Variants in MCRIP1 observed in about 807,000 individuals in gnomAD.
The protein encoded by MCRIP1 is mapk-regulated corepressor-interacting protein 1.
In MCRIP1, 10 loss-of-function variants were observed where a neutral mutation model predicts 14.4. The ratio of observed to expected loss-of-function variants is 0.70; its 90% CI spans 0.43 to 1.18. MCRIP1 has a LOEUF of 1.18. Ranked by LOEUF, MCRIP1 falls within the 50% of genes most tolerant of loss-of-function variation. The pLI is 0.00. For synonymous variants in MCRIP1, 53 were observed against 55.7 expected (o/e 0.95, Z 0.21); for missense variants, 119 against 135.4 (o/e 0.88, Z 0.60).
Position 81,824,273 on chromosome 17 carries a change from G to A in MCRIP1, c.127+14C>T, listed in dbSNP as rs1305762898. 2.6e-6 allele frequency: 4 copies of A among 1,519,468 alleles called. No homozygotes were observed. The highest frequency in any genetic ancestry group is 3.5e-6 in the Non-Finnish European group (4 of 1,131,612). 94.1% of individuals were successfully genotyped at this position (1,519,468 alleles called of 1,614,324 possible). On this transcript the variant is annotated intron_variant, in intron 3 of 4. Transcript: ENST00000455127. The stretch of plus-strand genomic sequence containing the variant: ...AAGGACAGGGCAGGAGCTGTGTGTG[G>A]CAGGCGCACCCACCTTCGTAAATGA...
chr17:81,830,184 A>G (rs1049726747), intron 1 of MCRIP1, among the ~76,000 whole-genome samples: 1 of 152,218 alleles, frequency 6.6e-6, no homozygotes, highest in African/African-American at 2.4e-5. Context: ...CCTCATTCAA[A>G]GTGATGCAGC....
intron 1 of MCRIP1, chr17:81,825,104 T>C (rs2038362124): frequency 9.9e-7 from 1 of 1,013,188 alleles, no homozygotes; most frequent in Non-Finnish European, 1.2e-6. Flanking sequence ...CAGGTCCAGC[T>C]TCCTGGTTCC....
Position 81,823,086 on chromosome 17 carries a change from T to C in MCRIP1, c.*161A>G, listed in dbSNP as rs2038303778. On this transcript the variant is annotated 3_prime_UTR_variant, in exon 5 of 5. Transcript: ENST00000455127. The surrounding 1 kb of genome is among the most constrained non-coding windows in gnomAD (Gnocchi z 6.0). ...CCCCCAAGGATGAAGGAAGGGGGCT[T>C]GGGAAGGAGAGGCAGGCCTCAGCCG... is the stretch of plus-strand genomic sequence containing the variant. 2 of 699,548 alleles carry C rather than the reference T, an allele frequency of 2.9e-6. No individual in the cohort carries two copies. Among genetic ancestry groups the C allele is most frequent in the Non-Finnish European group, 4.9e-6 (2 of 406,450 alleles). The allele number at this position is 699,548 out of a possible 1,614,324, so 43.3% of individuals were successfully genotyped here.
chr17:81,832,688 A>C (rs1182677377), intron 1 of MCRIP1, among the ~76,000 whole-genome samples: 4 of 152,336 alleles, frequency 2.6e-5, no homozygotes, highest in Admixed American at 2.6e-4. Flanking sequence ...CCGCGGTCAC[A>C]ACCACCGCCC....
In MCRIP1 at chr17:81,824,549, C is replaced by T. The variant is rs2038348749; in HGVS notation, c.-43G>A. 2 of 1,535,816 alleles carry T rather than the reference C, an allele frequency of 1.3e-6. No individual in the cohort carries two copies. The highest frequency in any genetic ancestry group is 2.4e-5 in the East Asian group (1 of 40,920). On this transcript the variant is annotated 5_prime_UTR_variant, in exon 2 of 5. Coordinates refer to ENST00000455127, the MANE Select transcript of MCRIP1 (RefSeq NM_207368.5). Reference sequence around the variant, plus strand: ...CTAGCGCTCCACCGCCAGATCCCCTCAGCCTCTGAAACAGAAGCCAGCGCA... The same window carrying T: ...CTAGCGCTCCACCGCCAGATCCCCTTAGCCTCTGAAACAGAAGCCAGCGCA...
intron 1 of MCRIP1, chr17:81,825,384 G>A: frequency 1.7e-6 from 2 of 1,185,412 alleles, no homozygotes; most frequent in South Asian, 3.2e-5. Flanking sequence ...GAAGCTGACA[G>A]GGCTGGTCTC....
At chr17:81,831,701 G>A (rs941829528) in intron 1 of MCRIP1, among the ~76,000 whole-genome samples, 3 of 152,168 alleles carry the variant, frequency 2.0e-5, no homozygotes, top group South Asian at 2.1e-4. Flanking sequence ...ACCAAGCAGC[G>A]GTGCCCCTCC....
intron 1 of MCRIP1, among the ~76,000 whole-genome samples, chr17:81,831,032 C>T (rs1343269761): frequency 5.3e-5 from 8 of 151,776 alleles, no homozygotes; most frequent in African/African-American, 1.9e-4. Flanking sequence ...ATTAGCTGGG[C>T]GTGGTGGCAC....
chr17:81,827,037 G>C (rs963028709), intron 1 of MCRIP1, among the ~76,000 whole-genome samples: 6 of 149,050 alleles, frequency 4.0e-5, no homozygotes, highest in Admixed American at 2.0e-4. Context: ...AGAAGTGCTT[G>C]AACCTGGGAG....
Position 81,822,401 on chromosome 17 carries a change from C to A in MCRIP1, c.*846G>T, listed in dbSNP as rs2038280619. On this transcript the variant is annotated 3_prime_UTR_variant, in exon 5 of 5. Coordinates refer to ENST00000455127, the MANE Select transcript of MCRIP1 (RefSeq NM_207368.5). Reference sequence around the variant, plus strand: ...GCCGCAGGGGCAGAGGCCTGACAGACCACCAAGAGGCCACGCCCAGTGCCG... The same window carrying A: ...GCCGCAGGGGCAGAGGCCTGACAGAACACCAAGAGGCCACGCCCAGTGCCG... The A allele has an allele frequency of 6.6e-6, 1 of 152,386 alleles. No individual in the cohort carries two copies. The highest frequency in any genetic ancestry group is 6.5e-5 in the Admixed American group (1 of 15,280). The allele number at this position is 152,386 out of a possible 1,614,324, so 9.4% of individuals were successfully genotyped here. A position where few individuals can be genotyped will look rare whatever the true frequency, so the allele number is the denominator to read the frequency against.
intron 1 of MCRIP1, among the ~76,000 whole-genome samples, chr17:81,828,044 T>C (rs1232563745): frequency 6.6e-6 from 1 of 152,100 alleles, no homozygotes; most frequent in Non-Finnish European, 1.5e-5. Flanking sequence ...CCTCCCAAAG[T>C]GCTGAGATTA....
At chr17:81,827,654 G>A (rs997390733) in intron 1 of MCRIP1, among the ~76,000 whole-genome samples, 19 of 151,850 alleles carry the variant, frequency 1.3e-4, no homozygotes, top group African/African-American at 4.4e-4. Flanking sequence ...CTTGGGAGGT[G>A]GAGGCTGTGG....
Position 81,823,315 on chromosome 17 carries a change from C to A in MCRIP1, c.230-4G>T, listed in dbSNP as rs755818351. The A allele has an allele frequency of 1.5e-5, 23 of 1,536,934 alleles. No homozygotes were observed. In the South Asian group the frequency reaches 2.6e-4, roughly 17 times the overall value. On this transcript the variant is annotated splice_polypyrimidine_tract_variant and splice_region_variant and intron_variant, in intron 4 of 4. Transcript: ENST00000455127. This position sits in a 1 kb window ranked among gnomAD's most constrained non-coding sequence, Gnocchi z 6.0. ...CTCAGGTCGATGGGCTTGAAGGCTG[C>A]CAGGGGACAACGCGGTAGGTGGTGG...
chr17:81,822,964 C>T lies in MCRIP1; in HGVS notation c.*283G>A, dbSNP rs1345391906. On this transcript the variant is annotated 3_prime_UTR_variant, in exon 5 of 5. Transcript: ENST00000455127. ...AGAGGAGAGAGGTCAGGTCAGGGCC[C>T]CTGGGGGCCAGGCAGCTTCAAAAAT... is the stretch of plus-strand genomic sequence containing the variant. 1 of 580,950 alleles carries T rather than the reference C, an allele frequency of 1.7e-6. No homozygotes were observed. The highest frequency in any genetic ancestry group is 2.9e-5 in the East Asian group (1 of 34,830). The allele number at this position is 580,950 out of a possible 1,614,324, so 36.0% of individuals were successfully genotyped here.
intron 1 of MCRIP1, 164 bp from the exon 2 acceptor site, chr17:81,824,718 G>T: frequency 6.9e-7 from 1 of 1,448,624 alleles, no homozygotes. Context: ...CCAGCCACAG[G>T]CAGCCAGTGG....
chr17:81,827,566 C>T (rs1056515603), intron 1 of MCRIP1, among the ~76,000 whole-genome samples: 5 of 151,552 alleles, frequency 3.3e-5, no homozygotes, highest in African/African-American at 4.9e-5. Context: ...CCACCACGCC[C>T]GGCCGGCAAA....
At chr17:81,831,749 G>C (rs752285715) in intron 1 of MCRIP1, among the ~76,000 whole-genome samples, 7 of 152,180 alleles carry the variant, frequency 4.6e-5, no homozygotes, top group Non-Finnish European at 1.0e-4. Flanking sequence ...GGCTCAGCCC[G>C]AATGCTGCAG....
intron 1 of MCRIP1, among the ~76,000 whole-genome samples, chr17:81,830,761 G>C (rs940004336): frequency 6.6e-5 from 10 of 151,350 alleles, no homozygotes; most frequent in Non-Finnish European, 1.2e-4. Context: ...GGTGACTCAC[G>C]CCTGTAATCC....
At chr17:81,827,373 G>A (rs1039387171) in intron 1 of MCRIP1, among the ~76,000 whole-genome samples, 2 of 151,480 alleles carry the variant, frequency 1.3e-5, no homozygotes, top group Non-Finnish European at 2.9e-5. Flanking sequence ...CCGGGTTCAC[G>A]CCATTCTCCC....
Sources: gnomAD v4.1 joint callset for allele counts (sites outside exome capture counted in the v4.1 genomes callset) on GRCh38, gnomAD v4.1.1 for gene constraint, Gnocchi (gnomAD v3.1) non-coding constraint, MANE v1.5 for transcripts, NCBI Gene and HGNC (gene_info 2026-07-23, HGNC 2026-07-21) for gene names.